SAGE1: variants seen among roughly 807,000 people sequenced by gnomAD.
SAGE1 encodes the protein sarcoma antigen 1, also known as cancer/testis antigen 14.
Under a neutral mutation model 55.4 loss-of-function variants are expected in SAGE1, and 55 were observed. The observed-to-expected ratio is 0.99, with a 90% CI of 0.80 to 1.24. The LOEUF is 1.24. SAGE1 is among the 50% of genes most tolerant of loss of function. The probability of loss-of-function intolerance (pLI) is 0.00; values close to 1 mark genes in which losing one functional copy is unlikely to be tolerated. For synonymous variants in SAGE1, 240 were observed against 244.3 expected (o/e 0.98, Z 0.17); for missense variants, 710 against 704.4 (o/e 1.01, Z -0.09).
intron 19 of SAGE1, 142 bp downstream of exon 19, chrX:135,912,556 A>G: frequency 8.7e-7 from 1 of 1,144,110 alleles, no homozygotes; most frequent in Admixed American, 3.2e-5. Context: ...ATTTAGGTTG[A>G]TACTATCTTA....
At chrX:135,895,311 T>C (rs1556592778) in intron 1 of SAGE1, among the ~76,000 whole-genome samples, 2 of 111,906 alleles carry the variant, frequency 1.8e-5, no homozygotes. Context: ...ATTGATAGTA[T>C]CCAGGATAAT....
chrX:135,908,862 A>G lies in SAGE1; in HGVS notation c.1442-2A>G, dbSNP rs781868389. The G allele has an allele frequency of 9.1e-6, 11 of 1,207,738 alleles. No individual in the cohort carries two copies. The Admixed American group carries it at 1.3e-4, about 14-fold the overall frequency. The stretch of plus-strand genomic sequence containing the variant: ...AGCTTGACCTCTCCCTTTGGTTTCC[A>G]GATGCTACCATTACTCACAGTGTTC... On this transcript the variant is annotated splice_acceptor_variant, in intron 12 of 19. Transcript: ENST00000370709. LOFTEE classifies it high-confidence loss of function.
intron 18 of SAGE1, 175 bp from the exon 19 acceptor site, chrX:135,912,146 G>A (rs1208312112): frequency 1.3e-6 from 1 of 751,619 alleles, no homozygotes; most frequent in Non-Finnish European, 1.6e-6. Context: ...TCCTTTGTTA[G>A]TGTTCACAAT....
At chrX:135,903,527 G>A (rs1274625154) in intron 3 of SAGE1, among the ~76,000 whole-genome samples, 1 of 112,881 alleles carries the variant, frequency 8.9e-6, no homozygotes, top group African/African-American at 3.2e-5. Flanking sequence ...AGAGGCGTCA[G>A]ACCTGGAGTG....
chrX:135,912,439 A>G (rs781948119), intron 19 of SAGE1, 25 bp downstream of exon 19: 3 of 1,196,777 alleles, frequency 2.5e-6, no homozygotes, highest in Non-Finnish European at 2.2e-6. Context: ...GAACTGTGCT[A>G]TTGTTTTAAG....
chrX:135,900,002 T>G (rs1556595550), intron 2 of SAGE1, among the ~76,000 whole-genome samples: 2 of 111,015 alleles, frequency 1.8e-5, no homozygotes, highest in African/African-American at 6.6e-5. Context: ...CCTTGCCCGA[T>G]TCCCCTGGAC....
At chrX:135,903,881 T>G (rs2088730694) in intron 3 of SAGE1, among the ~76,000 whole-genome samples, 1 of 112,653 alleles carries the variant, frequency 8.9e-6, no homozygotes, top group African/African-American at 3.2e-5. Flanking sequence ...ATATTCATTA[T>G]GCCAAGAGGT....
At chrX:135,907,882 A>G in intron 10 of SAGE1, 41 bp downstream of exon 10, 1 of 1,138,033 alleles carries the variant, frequency 8.8e-7, no homozygotes, top group Non-Finnish European at 1.2e-6. Flanking sequence ...CTTGGTTTCC[A>G]TATGCATGCA....
intron 2 of SAGE1, among the ~76,000 whole-genome samples, chrX:135,901,288 A>T (rs1281085275): frequency 9.0e-6 from 1 of 111,055 alleles, no homozygotes; most frequent in Non-Finnish European, 1.9e-5. Flanking sequence ...AAAGCCACTC[A>T]TTCCCCAAGC....
chrX:135,907,467 C>T lies in SAGE1; in HGVS notation c.1018+14C>T. 1.7e-6 allele frequency: 2 copies of T among 1,189,677 alleles called. No individual in the cohort carries two copies. ...CCAGGGATCAGTGTATGTTTGTTTA[C>T]TAGTTGTAGTGTCCTAGTTGGTTTA... On this transcript the variant is annotated intron_variant, in intron 9 of 19. Coordinates refer to ENST00000370709, the MANE Select transcript of SAGE1 (RefSeq NM_001381902.1).
At chrX:135,907,139 G>A in intron 8 of SAGE1, 73 bp downstream of exon 8, 3 of 1,107,536 alleles carry the variant, frequency 2.7e-6, no homozygotes, top group Non-Finnish European at 3.7e-6. Context: ...AGGGGAGATG[G>A]AGGTTTTGTT....
At chrX:135,897,318 T>C (rs1436498282) in intron 2 of SAGE1, among the ~76,000 whole-genome samples, 3 of 112,403 alleles carry the variant, frequency 2.7e-5, no homozygotes, top group Non-Finnish European at 5.6e-5. Context: ...AATAATCTCT[T>C]CTGTAACAAA....
At chrX:135,902,349 T>C (rs782456068) in intron 3 of SAGE1, among the ~76,000 whole-genome samples, 2 of 112,223 alleles carry the variant, frequency 1.8e-5, no homozygotes, top group Admixed American at 9.4e-5. Context: ...CGCGGTATCT[T>C]TACTGGGTGT....
intron 5 of SAGE1, 80 bp from the exon 6 acceptor site, chrX:135,905,944 A>G: frequency 1.2e-6 from 1 of 838,603 alleles, no homozygotes; most frequent in South Asian, 3.0e-5. Flanking sequence ...TTTCCTAGAA[A>G]CTGAGCATCA....
intron 1 of SAGE1, among the ~76,000 whole-genome samples, chrX:135,895,409 G>T (rs2088570168): frequency 8.9e-6 from 1 of 112,016 alleles, no homozygotes; most frequent in Admixed American, 9.5e-5. Flanking sequence ...ATCTTAGGCT[G>T]GTCACACTTC....
chrX:135,911,408 G>C, intron 17 of SAGE1, 76 bp downstream of exon 17: 1 of 1,075,957 alleles, frequency 9.3e-7, no homozygotes, highest in Non-Finnish European at 1.3e-6. Context: ...GAAGAAGGTG[G>C]TTTTGTTGTA....
chrX:135,903,861 T>C (rs1349244126), intron 3 of SAGE1, among the ~76,000 whole-genome samples: 2 of 112,586 alleles, frequency 1.8e-5, no homozygotes, highest in African/African-American at 6.5e-5. Flanking sequence ...GTCGTACTTC[T>C]TTACTGCATA....
intron 2 of SAGE1, among the ~76,000 whole-genome samples, chrX:135,898,777 C>T (rs1265642780): frequency 4.5e-5 from 5 of 111,697 alleles, no homozygotes; most frequent in African/African-American, 1.6e-4. Context: ...TTTTGTTGCC[C>T]GCGTGAATAT....
Position 135,906,521 on chromosome X carries a change from G to T in SAGE1, c.706G>T (p.Gly236Cys), listed in dbSNP as rs782049658. The change falls in exon 7 of 20, where the codon GGT (glycine) becomes TGT (cysteine). Residue 236 changes from glycine to cysteine, a missense_variant. By Grantham distance (159) the Gly-to-Cys change is radical (BLOSUM62 -3). Transcript: ENST00000370709. ...RPRRINMTDT[G>C]ISPMSTRDPY... is the part of the protein sequence containing the mutation. ...ACGGCGTATTAATATGACAGACACT[G>T]GTATTTCACCCATGAGTACCAGGGA... The T allele has an allele frequency of 1.7e-5, 21 of 1,207,896 alleles. No homozygotes were observed. The highest frequency in any genetic ancestry group is 3.5e-5 in the African/African-American group (2 of 57,230).
Sources: gnomAD v4.1 joint callset for allele counts (sites outside exome capture counted in the v4.1 genomes callset) on GRCh38, gnomAD v4.1.1 for gene constraint, MANE v1.5 for transcripts, NCBI Gene and HGNC (gene_info 2026-07-23, HGNC 2026-07-21) for gene names.